ETV6: variants seen among roughly 807,000 people sequenced by gnomAD.
ETV6 encodes ETS variant transcription factor 6.
In ETV6, 16 loss-of-function variants were observed where a neutral mutation model predicts 51.1. That is an observed-to-expected ratio of 0.31 (90% CI 0.21 to 0.48). The LOEUF is 0.48. ETV6 is among the 20% of genes least tolerant of loss of function. ETV6 has a pLI of 0.99. For synonymous variants in ETV6, 240 were observed against 224.1 expected, an observed-to-expected ratio of 1.07 and a Z score of -0.64; for missense variants, 458 against 594.8, an observed-to-expected ratio of 0.77 and a Z score of 2.39.
intron 1 of ETV6, among the ~76,000 whole-genome samples, chr12:11,681,812 A>G (rs891791228): frequency 3.3e-5 from 5 of 152,340 alleles, no homozygotes; most frequent in Middle Eastern, 3.4e-3. Flanking sequence ...GAGTGAGAAC[A>G]TGCAGTGTTA....
At chr12:11,880,040 AAAAAAAAAAAAG>A (rs1448109179) in intron 5 of ETV6, among the ~76,000 whole-genome samples, 1 of 149,288 alleles carries the variant, frequency 6.7e-6, no homozygotes, top group East Asian at 1.9e-4. Context: ...TTTAAAAAAA[AAAAAAAAAAAAG>A]GAAAAAAAAT....
At chr12:11,886,068 C>T (rs755493794) in intron 7 of ETV6, 42 bp downstream of exon 7, 4 of 1,437,536 alleles carry the variant, frequency 2.8e-6, no homozygotes, top group Admixed American at 1.7e-5. Flanking sequence ...TGGGAGGATG[C>T]TGTTTTCTTT....
intron 1 of ETV6, among the ~76,000 whole-genome samples, chr12:11,723,372 C>T (rs1024308644): frequency 6.6e-6 from 1 of 152,128 alleles, no homozygotes; most frequent in Middle Eastern, 3.2e-3. Context: ...ACCCACAACG[C>T]ACTCTCCCTC....
chr12:11,654,266 T>C (rs1030252727), intron 1 of ETV6, among the ~76,000 whole-genome samples: 4 of 152,190 alleles, frequency 2.6e-5, no homozygotes, highest in Non-Finnish European at 5.9e-5. Flanking sequence ...CCAGTTTTTC[T>C]GACAATAGAA....
At chr12:11,753,787 G>C (rs1866085097) in intron 2 of ETV6, among the ~76,000 whole-genome samples, 1 of 152,240 alleles carries the variant, frequency 6.6e-6, no homozygotes, top group Non-Finnish European at 1.5e-5. Flanking sequence ...TGTTTGTGAG[G>C]AGTTGGAGGC....
At chr12:11,652,328 A>G (rs1174702191) in intron 1 of ETV6, among the ~76,000 whole-genome samples, 1 of 152,214 alleles carries the variant, frequency 6.6e-6, no homozygotes, top group African/African-American at 2.4e-5. Context: ...CTAGAGATCA[A>G]GGACTGGGAT....
chr12:11,856,442 A>C (rs988012661), intron 4 of ETV6, among the ~76,000 whole-genome samples: 1 of 152,202 alleles, frequency 6.6e-6, no homozygotes, highest in South Asian at 2.1e-4. Flanking sequence ...GTCTGAGAGC[A>C]TGTCCGGGCG....
chr12:11,774,093 G>A (rs1457604979), intron 2 of ETV6, among the ~76,000 whole-genome samples: 1 of 152,136 alleles, frequency 6.6e-6, no homozygotes, highest in African/African-American at 2.4e-5. Context: ...CCAACCACAA[G>A]GCCCATGGAA....
intron 2 of ETV6, among the ~76,000 whole-genome samples, chr12:11,836,510 C>T (rs1399293695): frequency 6.6e-6 from 1 of 152,094 alleles, no homozygotes; most frequent in Non-Finnish European, 1.5e-5. Flanking sequence ...ACACGGTGGC[C>T]CTGGTTGCTT....
rs115388834 is a variant in ETV6 at position 11,699,804 on chromosome 12, G to A, written c.33+49644G>A. On this transcript the variant is annotated intron_variant, in intron 1 of 7. Coordinates refer to ENST00000396373, the MANE Select transcript of ETV6 (RefSeq NM_001987.5). ...GTCCTCCCAGCTGGAGGACCTTCGAGTATACTGCGTTCCCCCTCCTCATTC... is the reference window on the plus strand; with the variant it reads ...GTCCTCCCAGCTGGAGGACCTTCGAATATACTGCGTTCCCCCTCCTCATTC... Among the ~76,000 whole-genome samples, 849 of 152,232 alleles carry A rather than the reference G, an allele frequency of 5.6e-3. 7 individuals carry two copies. Among genetic ancestry groups the A allele is most frequent in the African/African-American group, 0.02 (816 of 41,542 alleles).
At chr12:11,727,779 G>A (rs79937950) in intron 1 of ETV6, among the ~76,000 whole-genome samples, 3,916 of 152,264 alleles carry the variant, frequency 0.026, 75 homozygotes, top group South Asian at 0.045. Flanking sequence ...AGGAGACCCC[G>A]CGGAGAAAGT....
At chr12:11,814,914 G>C (rs571542252) in intron 2 of ETV6, among the ~76,000 whole-genome samples, 36 of 152,284 alleles carry the variant, frequency 2.4e-4, no homozygotes, top group African/African-American at 8.2e-4. Context: ...ATCCAAGGTG[G>C]CTGTGGTACA....
intron 4 of ETV6, among the ~76,000 whole-genome samples, chr12:11,860,371 G>T (rs986331067): frequency 6.6e-6 from 1 of 152,084 alleles, no homozygotes; most frequent in African/African-American, 2.4e-5. Flanking sequence ...ACGTATATGC[G>T]TGCACTCTAC....
intron 4 of ETV6, among the ~76,000 whole-genome samples, chr12:11,859,137 T>C (rs1035896035): frequency 4.1e-5 from 4 of 98,180 alleles, no homozygotes; most frequent in African/African-American, 1.9e-4. Flanking sequence ...TTTTTTTTTT[T>C]TTTTTTTTTT....
At chr12:11,831,072 A>T (rs1395207084) in intron 2 of ETV6, among the ~76,000 whole-genome samples, 1 of 152,214 alleles carries the variant, frequency 6.6e-6, no homozygotes, top group African/African-American at 2.4e-5. Context: ...TGAAAATGAA[A>T]TCCTGACTTA....
intron 1 of ETV6, among the ~76,000 whole-genome samples, chr12:11,744,602 T>C (rs2121034348): frequency 6.6e-6 from 1 of 152,364 alleles, no homozygotes; most frequent in East Asian, 1.9e-4. Context: ...TGCACTTTTA[T>C]GGCGTTTCCA....
intron 2 of ETV6, among the ~76,000 whole-genome samples, chr12:11,798,648 C>T (rs1184245823): frequency 6.6e-6 from 1 of 152,188 alleles, no homozygotes; most frequent in Non-Finnish European, 1.5e-5. Context: ...AAATCTCAAT[C>T]ACTCTGTAGC....
At chr12:11,745,549 T>A (rs1475135801) in intron 1 of ETV6, among the ~76,000 whole-genome samples, 2 of 152,210 alleles carry the variant, frequency 1.3e-5, no homozygotes, top group African/African-American at 4.8e-5. Flanking sequence ...AATGCCTTCA[T>A]CCATTCCCCT....
chr12:11,700,728 ATCT>A (rs1864963185), intron 1 of ETV6, among the ~76,000 whole-genome samples: 1 of 152,202 alleles, frequency 6.6e-6, no homozygotes, highest in Non-Finnish European at 1.5e-5. Context: ...AAAGGTCTTC[ATCT>A]TCATCATCTT....
Sources: gnomAD v4.1 joint callset for allele counts (sites outside exome capture counted in the v4.1 genomes callset) on GRCh38, gnomAD v4.1.1 for gene constraint, MANE v1.5 for transcripts, NCBI Gene and HGNC (gene_info 2026-07-23, HGNC 2026-07-21) for gene names.